RSRP1: variants seen among roughly 807,000 people sequenced by gnomAD.
RSRP1 encodes the protein arginine and serine rich protein 1.
In RSRP1, 37 loss-of-function variants were observed where a neutral mutation model predicts 33.0. The observed-to-expected ratio is 1.12, with a 90% CI of 0.86 to 1.48. The LOEUF is 1.48. RSRP1 is among the 40% of genes most tolerant of loss of function. The probability of loss-of-function intolerance (pLI) is 0.00; values close to 1 mark genes in which losing one functional copy is unlikely to be tolerated. For synonymous variants in RSRP1, 167 were observed against 158.7 expected (o/e 1.05, Z -0.40); for missense variants, 402 against 385.3 (o/e 1.04, Z -0.36).
At chr1:25,321,814 C>A in intron 1 of RSRP1, 1 of 802,152 alleles carries the variant, frequency 1.2e-6, no homozygotes, top group Non-Finnish European at 2.1e-6. Flanking sequence ...TTTTGACACA[C>A]AATATTTCGA....
At chr1:25,244,834 C>A in intron 3 of RSRP1, 1 of 944,960 alleles carries the variant, frequency 1.1e-6, no homozygotes, top group Non-Finnish European at 1.4e-6. Context: ...CAGGCATGCA[C>A]CACCATGCCT....
rs544741035 is a variant in RSRP1 at position 25,311,399 on chromosome 1, C to T, written c.-67+26579G>A. ...AATTAGCCAGGCGTGGTGGTGGGCG[C>T]CTGTATTCCCAGCTACCTGGGAGGC... On this transcript the variant is annotated intron_variant, in intron 1 of 1. Transcript: ENST00000561867. Among the ~76,000 whole-genome samples the T allele has an allele frequency of 3.8e-5, 5 of 130,884 alleles. 1 individual carries two copies. The South Asian group carries it at 7.1e-4, about 19-fold the overall frequency. 85.9% of individuals were successfully genotyped at this position (130,884 alleles called of 152,430 possible). A position where few individuals can be genotyped will look rare whatever the true frequency, so the allele number is the denominator to read the frequency against.
At chr1:25,289,377 T>C (rs1479415070) in intron 1 of RSRP1, among the ~76,000 whole-genome samples, 1 of 127,430 alleles carries the variant, frequency 7.8e-6, no homozygotes, top group African/African-American at 2.6e-5. Context: ...GTATTTTTAG[T>C]TGAGACAGAG....
rs1412836729 is a variant in RSRP1 at position 25,246,937 on chromosome 1, C to A, written c.27G>T (p.Trp9Cys). The A allele has an allele frequency of 1.3e-6, 2 of 1,586,878 alleles. No individual in the cohort carries two copies. Among genetic ancestry groups the A allele is most frequent in the Non-Finnish European group, 1.7e-6 (2 of 1,163,376 alleles). MSNYVNDM[W>C]PGSPQEKDSP... ...AATCCTTCTCCTGCGGCGAGCCCGG[C>A]CACATGTCGTTCACGTAGTTGGACA... Residue 9 changes from tryptophan (W) to cysteine (C), a missense_variant, in exon 2 of 5, where the codon TGG becomes TGT. Trp to Cys is a radical substitution (Grantham distance 215). Transcript: ENST00000243189.
rs953099694 is a variant in RSRP1 at position 25,331,983 on chromosome 1, A to C, written c.-67+5995T>G. Among the ~76,000 whole-genome samples the C allele has an allele frequency of 1.7e-5, 2 of 120,992 alleles. 1 individual carries two copies. Among genetic ancestry groups the C allele is most frequent in the African/African-American group, 5.6e-5 (2 of 35,620 alleles). 79.4% of individuals were successfully genotyped at this position (120,992 alleles called of 152,430 possible). A position where few individuals can be genotyped will look rare whatever the true frequency, so the allele number is the denominator to read the frequency against. ...TCTCAATCTCCTGACCTCGTGATCC[A>C]CCTGCCTCAGCCTCCCAAAGTGCTG... On this transcript the variant is annotated intron_variant, in intron 1 of 1. Coordinates refer to the RSRP1 transcript ENST00000561867.
At chr1:25,289,847 G>A (rs1203053007) in intron 1 of RSRP1, among the ~76,000 whole-genome samples, 1 of 125,368 alleles carries the variant, frequency 8.0e-6, no homozygotes, top group Non-Finnish European at 1.9e-5. Context: ...TGGATCATAA[G>A]TATCTTCAAG....
chr1:25,299,382 AAAAT>A (rs530289550), intron 1 of RSRP1, among the ~76,000 whole-genome samples: 1 of 130,490 alleles, frequency 7.7e-6, no homozygotes, highest in African/African-American at 2.6e-5. Flanking sequence ...CTCCGTCTCA[AAAAT>A]AAATAAATAA....
rs71014353 is a variant in RSRP1, at chr1:25,330,953, C to CTTTTTTTTTT, written c.-67+7015_-67+7024dup. 8.9e-4 allele frequency among the ~76,000 whole-genome samples: 31 copies of CTTTTTTTTTT among 34,732 alleles called. 2 individuals are homozygous for CTTTTTTTTTT. Among genetic ancestry groups the CTTTTTTTTTT allele is most frequent in the African/African-American group, 3.0e-3 (31 of 10,254 alleles). The allele number at this position is 34,732 out of a possible 152,430, so 22.8% of individuals were successfully genotyped here. ...CTTTTACACTTCTGGTGTCATCTTC[C>CTTTTTTTTTT]TTTTTTTTTTTTTTTTTTTTTTTTT... On this transcript the variant is annotated intron_variant, in intron 1 of 1. Transcript: ENST00000561867.
chr1:25,271,611 A>G (rs997084646), intron 1 of RSRP1, among the ~76,000 whole-genome samples: 2 of 131,708 alleles, frequency 1.5e-5, no homozygotes, highest in African/African-American at 5.2e-5. Context: ...GACACTTACC[A>G]TGTACCAGAC....
rs760052686 is a variant in RSRP1 at position 25,307,752 on chromosome 1, C to T, written c.-67+30226G>A. On this transcript the variant is annotated intron_variant, in intron 1 of 1. Transcript: ENST00000561867. Reference sequence around the variant, plus strand: ...ATCATGGAGGCGCTGCGGTTCCTACCGGTTCTTGGATGCCTTCTACAGAGA... The same window carrying T: ...ATCATGGAGGCGCTGCGGTTCCTACTGGTTCTTGGATGCCTTCTACAGAGA... 3.0e-5 allele frequency: 39 copies of T among 1,306,708 alleles called. 8 individuals are homozygous for T. In the African/African-American group the frequency reaches 3.5e-4, roughly 12 times the overall value. 80.9% of individuals were successfully genotyped at this position (1,306,708 alleles called of 1,614,324 possible).
chr1:25,256,153 T>A (rs919030830), intron 1 of RSRP1, among the ~76,000 whole-genome samples: 9 of 151,764 alleles, frequency 5.9e-5, no homozygotes, highest in African/African-American at 2.2e-4. Flanking sequence ...GGATCTTTTT[T>A]TTTTTTTTTT....
In RSRP1 at chr1:25,268,841, G is replaced by C. The variant is rs113039800; in HGVS notation, c.-66-21812C>G. Among the ~76,000 whole-genome samples the C allele has an allele frequency of 2.7e-4, 35 of 129,734 alleles. 3 individuals are homozygous for C. The highest frequency in any genetic ancestry group is 5.8e-4 in the African/African-American group (22 of 37,980). The allele number at this position is 129,734 out of a possible 152,430, so 85.1% of individuals were successfully genotyped here. On this transcript the variant is annotated intron_variant, in intron 1 of 1. Transcript: ENST00000561867. ...CACGCGCCTATAATCCCAGCTACTC[G>C]GGAGGCTGAGGCGGGAGAATCACTT...
intron 1 of RSRP1, among the ~76,000 whole-genome samples, chr1:25,259,088 T>A (rs1027020984): frequency 5.3e-5 from 8 of 152,054 alleles, no homozygotes; most frequent in African/African-American, 1.9e-4. Context: ...TTTATTATTA[T>A]TCCCTTTTTT....
chr1:25,315,390 G>A (rs1644384953), intron 1 of RSRP1, among the ~76,000 whole-genome samples: 2 of 130,290 alleles, frequency 1.5e-5, no homozygotes, highest in South Asian at 2.3e-4. Flanking sequence ...CGGAAGGGGG[G>A]ATGGCTGCCT....
intron 1 of RSRP1, among the ~76,000 whole-genome samples, chr1:25,309,770 G>A (rs1375664123): frequency 7.6e-6 from 1 of 131,386 alleles, no homozygotes; most frequent in East Asian, 2.0e-4. Flanking sequence ...TGTGAAATAG[G>A]GACACTAATA....
Position 25,278,214 on chromosome 1 carries a change from G to A in RSRP1, c.-66-31185C>T, listed in dbSNP as rs1486126611. On this transcript the variant is annotated intron_variant, in intron 1 of 1. Transcript: ENST00000561867. ...ATGAAAAGAGTGGGGAGTTAAGGCT[G>A]GCTGCAGATGTATGATTTGGCATAG... is the stretch of plus-strand genomic sequence containing the variant. Among the ~76,000 whole-genome samples the A allele has an allele frequency of 1.5e-5, 2 of 129,910 alleles. 1 individual carries two copies. The highest frequency in any genetic ancestry group is 3.6e-5 in the Non-Finnish European group (2 of 54,978). 85.2% of individuals were successfully genotyped at this position (129,910 alleles called of 152,430 possible). A position where few individuals can be genotyped will look rare whatever the true frequency, so the allele number is the denominator to read the frequency against.
In RSRP1 at chr1:25,262,590, G is replaced by C. The variant is rs28399322; in HGVS notation, c.-66-15561C>G. On this transcript the variant is annotated intron_variant, in intron 1 of 1. Coordinates refer to the RSRP1 transcript ENST00000561867. ...CACAGCAGATTGTCTGCAAGCTGGA[G>C]ACCCAGGGATACTGGTAGCATGGCT... Among the ~76,000 whole-genome samples, 1,230 of 152,274 alleles carry C rather than the reference G, an allele frequency of 8.1e-3. 16 individuals carry two copies. The highest frequency in any genetic ancestry group is 0.027 in the African/African-American group (1,123 of 41,556).
In RSRP1 at chr1:25,303,567, G is replaced by A. The variant is rs1377865154; in HGVS notation, c.-67+34411C>T. 1.6e-5 allele frequency: 18 copies of A among 1,139,094 alleles called. 2 individuals carry two copies. Among genetic ancestry groups the A allele is most frequent in the East Asian group, 6.9e-5 (3 of 43,432 alleles). 70.6% of individuals were successfully genotyped at this position (1,139,094 alleles called of 1,614,324 possible). Reference sequence around the variant, plus strand: ...ACAGCTGCATTAGGCAGGTGTCGGCGCATTCTCTTATTGGCTTCAACGCCT... The same window carrying A: ...ACAGCTGCATTAGGCAGGTGTCGGCACATTCTCTTATTGGCTTCAACGCCT... On this transcript the variant is annotated intron_variant, in intron 1 of 1. Coordinates refer to the RSRP1 transcript ENST00000561867.
chr1:25,255,999 T>C (rs903524917), intron 1 of RSRP1, among the ~76,000 whole-genome samples: 4 of 152,088 alleles, frequency 2.6e-5, no homozygotes, highest in African/African-American at 9.7e-5. Context: ...CCACCTTCCA[T>C]TGGCAAAGGG....
Sources: allele counts gnomAD v4.1 joint callset (sites outside exome capture counted in the v4.1 genomes callset), GRCh38; gene constraint gnomAD v4.1.1; transcripts MANE v1.5; gene names NCBI Gene and HGNC (gene_info 2026-07-23, HGNC 2026-07-21).